Variants in SYTL3 observed in about 807,000 individuals in gnomAD.
The protein encoded by SYTL3 is synaptotagmin-like protein 3.
SYTL3 carries 88 observed loss-of-function variants against 82.1 expected under a neutral mutation model. That is an observed-to-expected ratio of 1.07 (90% confidence interval 0.90 to 1.28). SYTL3 has a LOEUF of 1.28. Ranked by LOEUF, SYTL3 falls within the 50% of genes most tolerant of loss-of-function variation. SYTL3 has a pLI of 0.00. For synonymous variants in SYTL3, 311 were observed against 289.4 expected, an observed-to-expected ratio of 1.07 and a Z score of -0.76; for missense variants, 831 against 757.6, an observed-to-expected ratio of 1.10 and a Z score of -1.14.
intron 17 of SYTL3, among the ~76,000 whole-genome samples, chr6:158,764,000 C>T (rs550800337): frequency 2.6e-5 from 4 of 152,306 alleles, no homozygotes; most frequent in African/African-American, 9.6e-5. Context: ...ATGATGACAA[C>T]CAAAAACACC....
chr6:158,725,750 A>G, intron 11 of SYTL3, 113 bp downstream of exon 11: 1 of 1,358,846 alleles, frequency 7.4e-7, no homozygotes, highest in South Asian at 1.4e-5. Context: ...TTATTTTTGG[A>G]GAACAGCAAG....
chr6:158,685,700 C>G (rs1481463455), intron 6 of SYTL3, among the ~76,000 whole-genome samples: 1 of 152,054 alleles, frequency 6.6e-6, no homozygotes, highest in Non-Finnish European at 1.5e-5. Context: ...TGCCTGTAAT[C>G]CCAGCTACTC....
intron 9 of SYTL3, among the ~76,000 whole-genome samples, chr6:158,714,791 G>T (rs1247591639): frequency 6.6e-6 from 1 of 152,128 alleles, no homozygotes; most frequent in Non-Finnish European, 1.5e-5. Flanking sequence ...GCATGCGGAT[G>T]GTCTCAGTGC....
chr6:158,698,431 C>G (rs1054984666), intron 6 of SYTL3, among the ~76,000 whole-genome samples: 2 of 149,702 alleles, frequency 1.3e-5, no homozygotes, highest in Non-Finnish European at 3.0e-5. Flanking sequence ...GACTCCTGCT[C>G]TAAAACCATT....
At chr6:158,653,097 G>A (rs971272046) in intron 2 of SYTL3, among the ~76,000 whole-genome samples, 4 of 152,306 alleles carry the variant, frequency 2.6e-5, no homozygotes, top group East Asian at 1.9e-4. Context: ...ATATGCATGC[G>A]TGCTGTCTCA....
intron 2 of SYTL3, among the ~76,000 whole-genome samples, chr6:158,660,486 G>T (rs989164507): frequency 6.6e-6 from 1 of 152,228 alleles, no homozygotes; most frequent in East Asian, 1.9e-4. Context: ...CCACAGGCGG[G>T]GGTTTGGGAA....
chr6:158,662,318 A>G (rs951829081), intron 3 of SYTL3, among the ~76,000 whole-genome samples: 2 of 152,252 alleles, frequency 1.3e-5, no homozygotes, highest in African/African-American at 2.4e-5. Context: ...GAGCTAATGC[A>G]TAAGGCAGCT....
chr6:158,694,242 T>G (rs1052735794), intron 6 of SYTL3, among the ~76,000 whole-genome samples: 1 of 152,136 alleles, frequency 6.6e-6, no homozygotes, highest in Non-Finnish European at 1.5e-5. Context: ...TTTTTTGCTT[T>G]CTCCCTGTGT....
intron 14 of SYTL3, among the ~76,000 whole-genome samples, chr6:158,758,430 CTG>C (rs1436177736): frequency 0.011 from 750 of 65,258 alleles, 3 homozygotes; most frequent in Middle Eastern, 0.02. Flanking sequence ...GAGCGAGACT[CTG>C]TCTCAAAAAA....
chr6:158,652,339 C>T lies in SYTL3; in HGVS notation c.-637+497C>T, dbSNP rs746867939. 3.9e-4 allele frequency among the ~76,000 whole-genome samples: 60 copies of T among 152,124 alleles called. 1 individual carries two copies. The highest frequency in any genetic ancestry group is 3.1e-4 in the Non-Finnish European group (21 of 68,024). ...TTTCAGCTCACTGCAAGCTCTGCCTCCCGGGTTAACACCATTCTCCTGCCT... is the reference window on the plus strand; with the variant it reads ...TTTCAGCTCACTGCAAGCTCTGCCTTCCGGGTTAACACCATTCTCCTGCCT... On this transcript the variant is annotated intron_variant, in intron 2 of 17. Transcript: ENST00000611299.
chr6:158,719,631 C>T (rs559332692), intron 10 of SYTL3, among the ~76,000 whole-genome samples: 40 of 152,266 alleles, frequency 2.6e-4, no homozygotes, highest in African/African-American at 8.9e-4. Flanking sequence ...ACAGAAGCTC[C>T]CTCCGAACTC....
intron 11 of SYTL3, among the ~76,000 whole-genome samples, chr6:158,737,051 A>AC (rs201305204): frequency 1.3e-4 from 20 of 151,602 alleles, no homozygotes; most frequent in Non-Finnish European, 2.5e-4. Flanking sequence ...AAAAAAAAAA[A>AC]AACAACGAAA....
chr6:158,733,511 T>C (rs1785694752), intron 11 of SYTL3, among the ~76,000 whole-genome samples: 2 of 151,888 alleles, frequency 1.3e-5, no homozygotes, highest in African/African-American at 4.8e-5. Flanking sequence ...GTATTTTCAG[T>C]AGAGACAGGG....
upstream of SYTL3, among the ~76,000 whole-genome samples, chr6:158,648,775 C>A (rs749476653): frequency 2.0e-5 from 3 of 151,936 alleles, no homozygotes; most frequent in African/African-American, 7.3e-5. Context: ...CAGAAGAAGA[C>A]GATGAGGACG....
intron 6 of SYTL3, among the ~76,000 whole-genome samples, chr6:158,703,822 CATTATTATTATT>C (rs71761794): frequency 6.9e-5 from 9 of 129,528 alleles, no homozygotes; most frequent in African/African-American, 2.4e-4. Flanking sequence ...ATATTATTAT[CATTATTATTATT>C]ATTATTATTA....
At chr6:158,711,279 T>C (rs967668531) in intron 8 of SYTL3, among the ~76,000 whole-genome samples, 3 of 152,252 alleles carry the variant, frequency 2.0e-5, no homozygotes, top group African/African-American at 7.2e-5. Flanking sequence ...TCTTCTGTTG[T>C]GTTGTGAGGA....
intron 6 of SYTL3, among the ~76,000 whole-genome samples, chr6:158,705,136 T>C (rs867185231): frequency 1.6e-5 from 1 of 60,920 alleles, no homozygotes; most frequent in Admixed American, 1.5e-4. Context: ...CAGTGAGGGC[T>C]GTAAGGCCAC....
rs72396267 is a variant in SYTL3 at position 158,761,305 on chromosome 6, T to TTC, written c.1414+561_1414+562insCT. Among the ~76,000 whole-genome samples the TTC allele has an allele frequency of 3.3e-3, 357 of 107,902 alleles. 7 individuals are homozygous for TTC. Among genetic ancestry groups the TTC allele is most frequent in the African/African-American group, 0.017 (336 of 19,254 alleles). The allele number at this position is 107,902 out of a possible 152,430, so 70.8% of individuals were successfully genotyped here. A position where few individuals can be genotyped will look rare whatever the true frequency, so the allele number is the denominator to read the frequency against. On this transcript the variant is annotated intron_variant, in intron 15 of 17. Transcript: ENST00000611299. The stretch of plus-strand genomic sequence containing the variant: ...GGACTGGGAGAATGCACATTTCTTT[T>TTC]TTTTTTTTTTTTTTTGAGACAGAGT...
intron 6 of SYTL3, among the ~76,000 whole-genome samples, chr6:158,698,022 T>G (rs903238988): frequency 2.0e-5 from 3 of 152,222 alleles, no homozygotes; most frequent in Admixed American, 2.0e-4. Context: ...AGTCCTGCTC[T>G]GTGTCTTCTT....
Sources: gnomAD v4.1 joint callset for allele counts (sites outside exome capture counted in the v4.1 genomes callset) on GRCh38, gnomAD v4.1.1 for gene constraint, MANE v1.5 for transcripts, NCBI Gene and HGNC (gene_info 2026-07-23, HGNC 2026-07-21) for gene names.